The following ABCC1 variants were observed in gnomAD, a reference collection of about 807,000 sequenced individuals.
The protein encoded by ABCC1 is ATP binding cassette subfamily C member 1 (ABCC1 blood group).
A neutral mutation model predicts 172.9 loss-of-function variants in ABCC1; 83 were observed. The ratio of observed to expected loss-of-function variants is 0.48; its 90% confidence interval spans 0.40 to 0.58. The LOEUF is 0.58. Among genes scored for constraint, ABCC1 ranks in the 20% least tolerant of loss-of-function variants. ABCC1 has a pLI of 0.00. For synonymous variants in ABCC1, 937 were observed against 825.2 expected (o/e 1.14, Z -2.32); for missense variants, 1,817 against 2,002.7 (o/e 0.91, Z 1.77).
chr16:16,025,067 T>C (rs993671150), intron 5 of ABCC1, among the ~76,000 whole-genome samples: 3 of 152,122 alleles, frequency 2.0e-5, no homozygotes, highest in African/African-American at 7.2e-5. Context: ...TTCTGGGGTG[T>C]GCTCCAGTAG....
At chr16:16,023,596 AAGAAAC>A (rs1200302141) in intron 5 of ABCC1, among the ~76,000 whole-genome samples, 1 of 152,194 alleles carries the variant, frequency 6.6e-6, no homozygotes, top group Non-Finnish European at 1.5e-5. Flanking sequence ...CTGAGCTAGA[AAGAAAC>A]AGACCTTGAC....
rs148834444 is a variant in ABCC1, at chr16:15,982,803, C to CAAAAAAAAAAA, written c.49-25002_49-24992dup. ...TCTGGGCAACAGAGTGAGACGCTGT[C>CAAAAAAAAAAA]AAAAAAAAAAAAAAAAAAAAAGGAA... On this transcript the variant is annotated intron_variant, in intron 1 of 30. Coordinates refer to ENST00000399410, the MANE Select transcript of ABCC1 (RefSeq NM_004996.4). 5.8e-4 allele frequency among the ~76,000 whole-genome samples: 25 copies of CAAAAAAAAAAA among 43,222 alleles called. 7 individuals are homozygous for CAAAAAAAAAAA. Among genetic ancestry groups the CAAAAAAAAAAA allele is most frequent in the East Asian group, 3.0e-3 (4 of 1,336 alleles). The allele number at this position is 43,222 out of a possible 152,430, so 28.4% of individuals were successfully genotyped here. A position where few individuals can be genotyped will look rare whatever the true frequency, so the allele number is the denominator to read the frequency against.
chr16:16,100,579 A>G (rs1374098944), intron 19 of ABCC1, among the ~76,000 whole-genome samples: 2 of 152,180 alleles, frequency 1.3e-5, no homozygotes, highest in Non-Finnish European at 2.9e-5. Context: ...TTTTTAAGTT[A>G]GTGTTTAGTT....
At chr16:16,106,006 A>G (rs531819610) in intron 20 of ABCC1, among the ~76,000 whole-genome samples, 1 of 151,298 alleles carries the variant, frequency 6.6e-6, no homozygotes, top group African/African-American at 2.4e-5. Flanking sequence ...CCTCCCAAGT[A>G]GTTGGGACTG....
At chr16:16,012,451 G>A (rs2047821337) in intron 3 of ABCC1, among the ~76,000 whole-genome samples, 1 of 151,714 alleles carries the variant, frequency 6.6e-6, no homozygotes, top group Admixed American at 6.6e-5. Context: ...TCGGGTCTTG[G>A]GCTCTGTGTT....
chr16:15,989,660 A>G (rs1201846065), intron 1 of ABCC1, among the ~76,000 whole-genome samples: 1 of 151,950 alleles, frequency 6.6e-6, no homozygotes, highest in Non-Finnish European at 1.5e-5. Flanking sequence ...TTGGTTGTGC[A>G]GAAGAGTTGC....
At chr16:16,063,738 A>T (rs1205315588) in intron 12 of ABCC1, among the ~76,000 whole-genome samples, 3 of 152,048 alleles carry the variant, frequency 2.0e-5, no homozygotes, top group African/African-American at 4.8e-5. Flanking sequence ...TGCTTTCTTG[A>T]TGGTGGTTTC....
intron 28 of ABCC1, among the ~76,000 whole-genome samples, chr16:16,135,417 A>G (rs749369681): frequency 9.2e-5 from 14 of 152,142 alleles, no homozygotes; most frequent in Admixed American, 3.9e-4. Flanking sequence ...GAGAACACAC[A>G]GTATTTGGTG....
chr16:16,105,222 C>T (rs558063322), intron 20 of ABCC1, among the ~76,000 whole-genome samples: 1 of 152,222 alleles, frequency 6.6e-6, no homozygotes, highest in African/African-American at 2.4e-5. Context: ...TAGTGGGAGA[C>T]TCCAGACAGT....
rs1004278330 is a variant in ABCC1 at position 16,068,718 on chromosome 16, G to A, written c.1824+416G>A. 1.2e-4 allele frequency among the ~76,000 whole-genome samples: 18 copies of A among 152,016 alleles called. 1 individual carries two copies. Among genetic ancestry groups the A allele is most frequent in the Admixed American group, 7.9e-4 (12 of 15,238 alleles). ...CCCCAACCTTACAGCCGGGCGCGGC[G>A]GCTCATGCCTGTATTCCCACCATTT... On this transcript the variant is annotated intron_variant, in intron 13 of 30. Transcript: ENST00000399410.
intron 5 of ABCC1, among the ~76,000 whole-genome samples, chr16:16,032,905 G>T (rs2048606382): frequency 6.6e-6 from 1 of 152,176 alleles, no homozygotes; most frequent in African/African-American, 2.4e-5. Context: ...ACACTCCGTT[G>T]ATTGAAACTG....
At chr16:16,140,384 T>C (rs771459626) in intron 30 of ABCC1, among the ~76,000 whole-genome samples, 3 of 152,204 alleles carry the variant, frequency 2.0e-5, no homozygotes, top group Non-Finnish European at 4.4e-5. Context: ...GGTCTCACCC[T>C]GTCGCCCAGG....
At chr16:16,031,461 G>A (rs2048555494) in intron 5 of ABCC1, among the ~76,000 whole-genome samples, 1 of 152,050 alleles carries the variant, frequency 6.6e-6, no homozygotes. Context: ...TCATTTCTCT[G>A]GGAAATGAGT....
At chr16:15,998,210 A>G (rs934586216) in intron 1 of ABCC1, among the ~76,000 whole-genome samples, 1 of 151,808 alleles carries the variant, frequency 6.6e-6, no homozygotes, top group Non-Finnish European at 1.5e-5. Context: ...CTGCAGCCTC[A>G]AGCCCCTAGG....
chr16:16,136,012 AC>A (rs1431963905), intron 28 of ABCC1, among the ~76,000 whole-genome samples: 2 of 53,384 alleles, frequency 3.7e-5, no homozygotes, highest in South Asian at 1.0e-3. Context: ...GACTTTCCAG[AC>A]TTTTTTTTTT....
intron 24 of ABCC1, among the ~76,000 whole-genome samples, chr16:16,123,034 T>C (rs531186977): frequency 1.5e-4 from 23 of 152,300 alleles, no homozygotes; most frequent in African/African-American, 4.8e-4. Context: ...TATAGACTTT[T>C]CTGAAAAAGT....
At chr16:16,125,413 A>G (rs1469406677) in intron 25 of ABCC1, among the ~76,000 whole-genome samples, 1 of 152,060 alleles carries the variant, frequency 6.6e-6, no homozygotes, top group Non-Finnish European at 1.5e-5. Flanking sequence ...TTCATAACTC[A>G]TAACCTTTTA....
intron 4 of ABCC1, among the ~76,000 whole-genome samples, chr16:16,016,236 C>T (rs1483449212): frequency 6.7e-6 from 1 of 149,060 alleles, no homozygotes; most frequent in African/African-American, 2.5e-5. Flanking sequence ...TCACTGCAGC[C>T]TCCGCCTCCT....
intron 1 of ABCC1, among the ~76,000 whole-genome samples, chr16:16,006,395 G>T (rs1010730674): frequency 6.6e-6 from 1 of 151,074 alleles, no homozygotes; most frequent in African/African-American, 2.4e-5. Context: ...TTCAGCCTGG[G>T]CAACAGAGCA....
Sources: gnomAD v4.1 joint callset for allele counts (sites outside exome capture counted in the v4.1 genomes callset) on GRCh38, gnomAD v4.1.1 for gene constraint, MANE v1.5 for transcripts, NCBI Gene and HGNC (gene_info 2026-07-23, HGNC 2026-07-21) for gene names.